The following SPAST variants were observed in gnomAD, a reference collection of about 807,000 sequenced individuals.
SPAST encodes spastic paraplegia 4 (autosomal dominant; spastin).
In SPAST, 30 loss-of-function variants were observed where a neutral mutation model predicts 76.6. That is an observed-to-expected ratio of 0.39 (90% CI 0.29 to 0.53). The LOEUF is 0.53. Among genes scored for constraint, SPAST ranks in the 20% least tolerant of loss-of-function variants. The pLI is 0.68. For synonymous variants in SPAST, 305 were observed against 281.0 expected, an observed-to-expected ratio of 1.09 and a Z score of -0.86; for missense variants, 717 against 770.5, an observed-to-expected ratio of 0.93 and a Z score of 0.82.
At chr2:32,137,502 C>T (rs997735155) in intron 12 of SPAST, among the ~76,000 whole-genome samples, 1 of 152,134 alleles carries the variant, frequency 6.6e-6, no homozygotes, top group East Asian at 1.9e-4. Context: ...AGAAAATAAT[C>T]AAATCAGGGT....
At chr2:32,065,175 A>G (rs1464555492) in intron 1 of SPAST, among the ~76,000 whole-genome samples, 1 of 151,834 alleles carries the variant, frequency 6.6e-6, no homozygotes, top group Non-Finnish European at 1.5e-5. Flanking sequence ...ACGCACCACC[A>G]CGCCTGGCTA....
rs1676545749 is a variant in SPAST at position 32,066,995 on chromosome 2, A to AAAAAAAAAAAAAAAAAAAAACC, written c.415+2761_415+2762insAAAAAAAACCAAAAAAAAAAAA. ...CTCAAAAAAAAAAAAAAAAAAAACC[A>AAAAAAAAAAAAAAAAAAAAACC]AAAAAAAAAAAACTGTTTTAATTGT... On this transcript the variant is annotated intron_variant, in intron 1 of 16. Coordinates refer to ENST00000315285, the MANE Select transcript of SPAST (RefSeq NM_014946.4). Among the ~76,000 whole-genome samples, 20 of 47,016 alleles carry AAAAAAAAAAAAAAAAAAAAACC rather than the reference A, an allele frequency of 4.3e-4. No individual in the cohort carries two copies. The South Asian group carries it at 0.019, about 46-fold the overall frequency. 30.8% of individuals were successfully genotyped at this position (47,016 alleles called of 152,430 possible).
chr2:32,120,243 C>G (rs553529239), intron 7 of SPAST, among the ~76,000 whole-genome samples: 4 of 152,152 alleles, frequency 2.6e-5, no homozygotes, highest in Non-Finnish European at 5.9e-5. Flanking sequence ...AAAGCCATTT[C>G]TTAATTTTTG....
At chr2:32,069,044 C>T (rs1676640405) in intron 1 of SPAST, among the ~76,000 whole-genome samples, 1 of 152,020 alleles carries the variant, frequency 6.6e-6, no homozygotes, top group Non-Finnish European at 1.5e-5. Context: ...GAAACCCCGT[C>T]TCTACTAAAA....
At position 32,141,933 on chromosome 2, in the gene SPAST, T is replaced by G. The variant is rs1679733435; in HGVS notation, c.1523T>G (p.Leu508Ter). The G allele has an allele frequency of 6.2e-7, 1 of 1,612,820 alleles. No homozygotes were observed. Among genetic ancestry groups the G allele is most frequent in the Non-Finnish European group, 8.5e-7 (1 of 1,179,268 alleles). Residue 508 changes from leucine to a stop codon, truncating the protein, a stop_gained, in exon 13 of 17, where the codon TTA becomes TGA. Coordinates refer to ENST00000315285, the MANE Select transcript of SPAST (RefSeq NM_014946.4). LOFTEE classifies it high-confidence loss of function. ...TTCATCAAACGGGTATATGTGTCTT[T>G]ACCAAATGAGGAGGTATGTATCTGT... ...RRFIKRVYVS[L>*]PNEETRLLLL... is the part of the protein sequence containing the mutation.
At chr2:32,064,764 C>G (rs527301974) in intron 1 of SPAST, among the ~76,000 whole-genome samples, 1 of 152,192 alleles carries the variant, frequency 6.6e-6, no homozygotes, top group African/African-American at 2.4e-5. Context: ...TCATTTTAAT[C>G]AAGATAATCA....
chr2:32,087,129 A>C (rs1459447394), intron 1 of SPAST, among the ~76,000 whole-genome samples: 1 of 152,206 alleles, frequency 6.6e-6, no homozygotes, highest in Non-Finnish European at 1.5e-5. Flanking sequence ...GAGATTAAAC[A>C]ATGCTTTTTG....
At chr2:32,069,040 C>T (rs982532608) in intron 1 of SPAST, among the ~76,000 whole-genome samples, 1 of 151,988 alleles carries the variant, frequency 6.6e-6, no homozygotes, top group African/African-American at 2.4e-5. Flanking sequence ...TAGTGAAACC[C>T]CGTCTCTACT....
At chr2:32,115,469 A>G (rs1051011241) in intron 5 of SPAST, among the ~76,000 whole-genome samples, 1 of 152,164 alleles carries the variant, frequency 6.6e-6, no homozygotes, top group Non-Finnish European at 1.5e-5. Flanking sequence ...ATTTGTTTTT[A>G]TTTTGTAAAA....
intron 3 of SPAST, among the ~76,000 whole-genome samples, chr2:32,090,590 A>T (rs1677670354): frequency 6.6e-6 from 1 of 152,172 alleles, no homozygotes; most frequent in East Asian, 1.9e-4. Context: ...CTCAAAATTT[A>T]ATAATTTTTA....
intron 2 of SPAST, 43 bp from the exon 3 acceptor site, chr2:32,089,479 T>A: frequency 9.5e-7 from 1 of 1,054,316 alleles, no homozygotes; most frequent in Non-Finnish European, 1.5e-6. Flanking sequence ...GAAACAATAT[T>A]AGTTGGGAAA....
chr2:32,086,462 T>TAA (rs11350854), intron 1 of SPAST, among the ~76,000 whole-genome samples: 1 of 144,398 alleles, frequency 6.9e-6, no homozygotes. Context: ...AGACTCTGTT[T>TAA]AAAAAAAAAA....
chr2:32,072,562 T>C (rs1013736516), intron 1 of SPAST, among the ~76,000 whole-genome samples: 23 of 152,174 alleles, frequency 1.5e-4, no homozygotes, highest in African/African-American at 5.3e-4. Flanking sequence ...TAGGTTAACT[T>C]TGGAATGCCT....
At chr2:32,082,979 AT>A (rs575438245) in intron 1 of SPAST, among the ~76,000 whole-genome samples, 25 of 149,376 alleles carry the variant, frequency 1.7e-4, no homozygotes, top group East Asian at 5.9e-4. Context: ...TAATTAATTA[AT>A]TTTTTTTTTG....
rs759236371 is a variant in SPAST at position 32,063,843 on chromosome 2, G to A, written c.12G>A (p.Pro4=). 1.3e-6 allele frequency: 2 copies of A among 1,577,708 alleles called. No individual in the cohort carries two copies. The highest frequency in any genetic ancestry group is 3.6e-5 in the Admixed American group (2 of 55,336). Residue 4 remains proline (P), a synonymous_variant, in exon 1 of 17, where the codon CCG becomes CCA. Transcript: ENST00000315285. ...AGTGAGAGCTGTGAATGAATTCTCC[G>A]GGTGGACGAGGGAAGAAGAAAGGCT... The part of the protein sequence containing the change: MNS[P]GGRGKKKGSG...
intron 1 of SPAST, among the ~76,000 whole-genome samples, chr2:32,071,076 T>C (rs1676730286): frequency 6.6e-6 from 1 of 152,192 alleles, no homozygotes; most frequent in South Asian, 2.1e-4. Context: ...GTTGTAATAA[T>C]GGTTCTTTGG....
chr2:32,079,156 T>C (rs1020502846), intron 1 of SPAST, among the ~76,000 whole-genome samples: 3 of 152,014 alleles, frequency 2.0e-5, no homozygotes, highest in South Asian at 2.1e-4. Flanking sequence ...GTCTTTACAA[T>C]CTGCAAAACC....
chr2:32,105,806 G>T (rs1225751512), intron 4 of SPAST, among the ~76,000 whole-genome samples: 2 of 152,154 alleles, frequency 1.3e-5, no homozygotes, highest in Admixed American at 6.5e-5. Flanking sequence ...GTTGCTGTCT[G>T]ATCCTTCCTC....
At chr2:32,117,009 C>G (rs1488243471) in intron 7 of SPAST, among the ~76,000 whole-genome samples, 1 of 151,324 alleles carries the variant, frequency 6.6e-6, no homozygotes, top group Non-Finnish European at 1.5e-5. Flanking sequence ...GCCTGTAATC[C>G]CAGCACTTTG....
Sources: gnomAD v4.1 joint callset for allele counts (sites outside exome capture counted in the v4.1 genomes callset) on GRCh38, gnomAD v4.1.1 for gene constraint, MANE v1.5 for transcripts, NCBI Gene and HGNC (gene_info 2026-07-23, HGNC 2026-07-21) for gene names.